STK25: variants seen among roughly 807,000 people sequenced by gnomAD.
STK25 encodes serine/threonine kinase 25.
In STK25, 29 loss-of-function variants were observed where a neutral mutation model predicts 53.8. That is an observed-to-expected ratio of 0.54 (90% CI 0.40 to 0.74). STK25 has a LOEUF of 0.74. Among genes scored for constraint, STK25 ranks in the 30% least tolerant of loss-of-function variants. The probability of loss-of-function intolerance (pLI) is 0.00; values close to 1 mark genes in which losing one functional copy is unlikely to be tolerated. For synonymous variants in STK25, 247 were observed against 238.3 expected (o/e 1.04, Z -0.33); for missense variants, 420 against 568.0 (o/e 0.74, Z 2.65).
In STK25 at chr2:241,493,970, A is replaced by T; in HGVS notation, c.*1692T>A. The T allele has an allele frequency of 8.0e-7, 1 of 1,249,044 alleles. No individual in the cohort carries two copies. Among genetic ancestry groups the T allele is most frequent in the Non-Finnish European group, 1.1e-6 (1 of 942,158 alleles). The allele number at this position is 1,249,044 out of a possible 1,614,324, so 77.4% of individuals were successfully genotyped here. On this transcript the variant is annotated 3_prime_UTR_variant, in exon 12 of 12. Transcript: ENST00000316586. ...GTTCTTGGGACAGTGTCTGAGCACA[A>T]GATGGCTCACTGGTCTGATGGCCGC...
Position 241,493,068 on chromosome 2 carries a change from TG to T in STK25, c.*2593del. 7.7e-7 allele frequency: 1 copy of T among 1,295,878 alleles called. No individual in the cohort carries two copies. The highest frequency in any genetic ancestry group is 1.1e-6 in the Non-Finnish European group (1 of 889,392). 80.3% of individuals were successfully genotyped at this position (1,295,878 alleles called of 1,614,324 possible). ...GAGTTTCACTGGAGCCCAATGCAGG[TG>T]ATGCTAGCAGACAGACACTTAACCC... On this transcript the variant is annotated 3_prime_UTR_variant, in exon 12 of 12. Coordinates refer to ENST00000316586, the MANE Select transcript of STK25 (RefSeq NM_001271977.2).
At chr2:241,502,428 C>G (rs990421247) in intron 2 of STK25, among the ~76,000 whole-genome samples, 5 of 152,024 alleles carry the variant, frequency 3.3e-5, no homozygotes, top group Non-Finnish European at 7.4e-5. Flanking sequence ...TGTTATAAAT[C>G]TGAAATTACT....
rs1297760661 is a variant in STK25, at chr2:241,501,542, T to G, written c.197A>C (p.Glu66Ala). Residue 66 changes from glutamate to alanine, a missense_variant, in exon 3 of 12, where the codon GAG becomes GCG. Coordinates refer to ENST00000316586, the MANE Select transcript of STK25 (RefSeq NM_001271977.2). The surrounding 1 kb of genome is among the most constrained non-coding windows in gnomAD (Gnocchi z 5.3). ...GTCGCACTGACTGAGGACAGTGATC[T>G]CCTGCTGGATGTCCTCGATCTCATC... Reference protein sequence around the residue: ...AEDEIEDIQQEITVLSQCDSP... With the variant: ...AEDEIEDIQQAITVLSQCDSP... 6.2e-7 allele frequency: 1 copy of G among 1,614,116 alleles called. No homozygotes were observed.
At position 241,495,460 on chromosome 2, in the gene STK25, A is replaced by G. The variant is rs2065093482; in HGVS notation, c.*202T>C. ...GAGGAGGGCAGTGGGCATAGAGAAC[A>G]GCGTCCCTGACGTGCACAACAGCAC... On this transcript the variant is annotated 3_prime_UTR_variant, in exon 12 of 12. Transcript: ENST00000316586. The G allele has an allele frequency of 1.7e-6, 1 of 593,636 alleles. No homozygotes were observed. Among genetic ancestry groups the G allele is most frequent in the Non-Finnish European group, 3.0e-6 (1 of 330,960 alleles). The allele number at this position is 593,636 out of a possible 1,614,324, so 36.8% of individuals were successfully genotyped here. A position where few individuals can be genotyped will look rare whatever the true frequency, so the allele number is the denominator to read the frequency against.
chr2:241,500,401 T>C, intron 4 of STK25, 120 bp from the exon 5 acceptor site: 1 of 695,578 alleles, frequency 1.4e-6, no homozygotes, highest in Non-Finnish European at 2.5e-6. Flanking sequence ...TCGTGTTCCT[T>C]TACTTCCCAA....
intron 2 of STK25, among the ~76,000 whole-genome samples, chr2:241,502,651 A>T (rs1003746281): frequency 6.6e-6 from 1 of 152,060 alleles, no homozygotes; most frequent in Admixed American, 6.5e-5. Context: ...AGACAGAAGA[A>T]TCACTTGAAT....
In STK25 at chr2:241,493,793, C is replaced by T. The variant is rs2065023822; in HGVS notation, c.*1869G>A. On this transcript the variant is annotated 3_prime_UTR_variant, in exon 12 of 12. Transcript: ENST00000316586. ...TGTATTTTTAGTAGAGACAGGGTTT[C>T]ACCATGTTGGCCAGGCTGGTCTCGA... The T allele has an allele frequency of 4.0e-6, 2 of 493,888 alleles. No homozygotes were observed. Among genetic ancestry groups the T allele is most frequent in the Admixed American group, 7.1e-5 (2 of 28,004 alleles). 30.6% of individuals were successfully genotyped at this position (493,888 alleles called of 1,614,324 possible).
Position 241,494,518 on chromosome 2 carries a change from A to C in STK25, c.*1144T>G, listed in dbSNP as rs2065050636. On this transcript the variant is annotated 3_prime_UTR_variant, in exon 12 of 12. Coordinates refer to ENST00000316586, the MANE Select transcript of STK25 (RefSeq NM_001271977.2). This position sits in a 1 kb window ranked among gnomAD's most constrained non-coding sequence, Gnocchi z 4.9. Reference sequence around the variant, plus strand: ...AGGACTGGCCTAGAGCAAGCACTGGAAAAGAGGCCCTGCCATACACCCTGC... The same window carrying C: ...AGGACTGGCCTAGAGCAAGCACTGGCAAAGAGGCCCTGCCATACACCCTGC... 6.3e-6 allele frequency: 1 copy of C among 157,630 alleles called. No individual in the cohort carries two copies. The highest frequency in any genetic ancestry group is 2.1e-4 in the South Asian group (1 of 4,876). 9.8% of individuals were successfully genotyped at this position (157,630 alleles called of 1,614,324 possible).
Position 241,500,298 on chromosome 2 carries a change from G to A in STK25, c.319-17C>T, listed in dbSNP as rs774611642. 13 of 1,582,748 alleles carry A rather than the reference G, an allele frequency of 8.2e-6. No individual in the cohort carries two copies. The highest frequency in any genetic ancestry group is 1.1e-5 in the South Asian group (1 of 90,364). On this transcript the variant is annotated splice_polypyrimidine_tract_variant and intron_variant, in intron 4 of 11. Transcript: ENST00000316586. ...TGGTTTAAGCTGGAGAGGAAGGTGC[G>A]ACAGCAGGGCCTCAGCTCCTGTCCC... is the stretch of plus-strand genomic sequence containing the variant.
chr2:241,501,741 A>G lies in STK25; in HGVS notation c.31-33T>C. On this transcript the variant is annotated intron_variant, in intron 2 of 11. Coordinates refer to ENST00000316586, the MANE Select transcript of STK25 (RefSeq NM_001271977.2). This position sits in a 1 kb window ranked among gnomAD's most constrained non-coding sequence, Gnocchi z 5.3. ...GCCAGGGCGGGGACAGAGGGCAGAC[A>G]GCGCCGGTCACAAGAGGCGGGGGAC... is the stretch of plus-strand genomic sequence containing the variant. 6.4e-7 allele frequency: 1 copy of G among 1,564,854 alleles called. No homozygotes were observed. Among genetic ancestry groups the G allele is most frequent in the Non-Finnish European group, 8.8e-7 (1 of 1,141,468 alleles).
At chr2:241,497,528 C>T (rs965947158) in intron 10 of STK25, 88 bp downstream of exon 10, 10 of 1,361,020 alleles carry the variant, frequency 7.3e-6, no homozygotes, top group Middle Eastern at 1.8e-4. Flanking sequence ...AACCACCCCA[C>T]AGTGCTGTGA....
chr2:241,507,904 C>T, intron 2 of STK25, 102 bp downstream of exon 2: 1 of 1,249,204 alleles, frequency 8.0e-7, no homozygotes, highest in Non-Finnish European at 1.1e-6. Context: ...CTTCCCTCAC[C>T]CCACTGCCCG....
In STK25 at chr2:241,498,724, A is replaced by T. The variant is rs772331813; in HGVS notation, c.832T>A (p.Ser278Thr). The T allele has an allele frequency of 2.5e-6, 4 of 1,614,102 alleles. No individual in the cohort carries two copies. Among genetic ancestry groups the T allele is most frequent in the Non-Finnish European group, 3.4e-6 (4 of 1,180,020 alleles). Residue 278 changes from serine (S) to threonine (T), a missense_variant, in exon 8 of 12, where the codon TCC (serine) becomes ACC (threonine). Coordinates refer to ENST00000316586, the MANE Select transcript of STK25 (RefSeq NM_001271977.2). Reference sequence around the variant, plus strand: ...CGGTCGATGAGCTCCGTGAGGAAGGAGGTCTTCTTGGTGTAGCGTGTGATG... The same window carrying T: ...CGGTCGATGAGCTCCGTGAGGAAGGTGGTCTTCTTGGTGTAGCGTGTGATG... ...KFITRYTKKT[S>T]FLTELIDRYK...
chr2:241,493,629 C>G lies in STK25; in HGVS notation c.*2033G>C. The G allele has an allele frequency of 1.7e-6, 1 of 598,318 alleles. No individual in the cohort carries two copies. The highest frequency in any genetic ancestry group is 2.0e-5 in the South Asian group (1 of 49,652). 37.1% of individuals were successfully genotyped at this position (598,318 alleles called of 1,614,324 possible). A position where few individuals can be genotyped will look rare whatever the true frequency, so the allele number is the denominator to read the frequency against. ...TTTTTTTTGGAGATGGCGTCTCCCT[C>G]TGTCACTCAGGCTGGAGTGCAGTGA... On this transcript the variant is annotated 3_prime_UTR_variant, in exon 12 of 12. Coordinates refer to ENST00000316586, the MANE Select transcript of STK25 (RefSeq NM_001271977.2).
intron 2 of STK25, among the ~76,000 whole-genome samples, chr2:241,507,437 G>C (rs1283752401): frequency 6.6e-6 from 1 of 152,212 alleles, no homozygotes; most frequent in African/African-American, 2.4e-5. Context: ...GCCCGTCGCA[G>C]GGGTTAAACG....
At chr2:241,506,596 C>T (rs920991698) in intron 2 of STK25, among the ~76,000 whole-genome samples, 8 of 152,088 alleles carry the variant, frequency 5.3e-5, no homozygotes, top group Admixed American at 3.3e-4. Flanking sequence ...GGTGAAACTC[C>T]GTCTCTACTA....
chr2:241,508,800 G>C (rs1023449786), upstream of STK25: 37 of 966,344 alleles, frequency 3.8e-5, no homozygotes, highest in East Asian at 1.1e-4. Flanking sequence ...TGCGTCTCCC[G>C]GCAGGCCGCG....
chr2:241,495,907 A>T (rs371733520), intron 11 of STK25, among the ~76,000 whole-genome samples: 3 of 152,220 alleles, frequency 2.0e-5, no homozygotes, highest in African/African-American at 4.8e-5. Flanking sequence ...GGCGCCGGGA[A>T]GGGGTCCCTG....
upstream of STK25, chr2:241,508,739 G>A: frequency 1.0e-6 from 1 of 985,100 alleles, no homozygotes. Flanking sequence ...GCTCGCATGC[G>A]CGCCGCGAGG....
Sources: allele counts gnomAD v4.1 joint callset (sites outside exome capture counted in the v4.1 genomes callset), GRCh38; gene constraint gnomAD v4.1.1; non-coding constraint Gnocchi (gnomAD v3.1); transcripts MANE v1.5; gene names NCBI Gene and HGNC (gene_info 2026-07-23, HGNC 2026-07-21).